Variants in PCDHA7 observed in about 807,000 individuals in gnomAD.
PCDHA7 encodes the protein protocadherin alpha-7.
PCDHA7 carries 37 observed loss-of-function variants against 57.2 expected under a neutral mutation model. The ratio of observed to expected loss-of-function variants is 0.65; its 90% CI spans 0.50 to 0.85. The LOEUF is 0.85. Among genes scored for constraint, PCDHA7 ranks in the 40% least tolerant of loss-of-function variants. The pLI is 0.00. For missense variants in PCDHA7, 1,188 were observed against 1,241.8 expected (o/e 0.96, Z 0.65); for synonymous variants, 553 against 558.8 (o/e 0.99, Z 0.15).
rs2150350980 is a variant in PCDHA7 at position 140,843,047 on chromosome 5, G to A, written c.2355+6309G>A. On this transcript the variant is annotated intron_variant, in intron 1 of 3. Coordinates refer to ENST00000525929, the MANE Select transcript of PCDHA7 (RefSeq NM_018910.3). ...GCCTCGGGTGGGTGGCACTGGTGGC[G>A]CAGCGAGCAAGCTGGTGCCGCGGTC... 9.4e-6 allele frequency: 15 copies of A among 1,595,052 alleles called. 2 individuals carry two copies. The highest frequency in any genetic ancestry group is 1.2e-5 in the Non-Finnish European group (14 of 1,165,268).
intron 1 of PCDHA7, among the ~76,000 whole-genome samples, chr5:140,956,087 C>T (rs2095255787): frequency 6.6e-6 from 1 of 152,178 alleles, no homozygotes; most frequent in Admixed American, 6.5e-5. Context: ...ATCATGTCAT[C>T]TGCAAACAAA....
chr5:141,009,563 C>T (rs1588242901), intron 3 of PCDHA7, 64 bp from the exon 4 acceptor site: 2 of 1,571,920 alleles, frequency 1.3e-6, no homozygotes, highest in Non-Finnish European at 1.7e-6. Flanking sequence ...TGTACTCTAC[C>T]AGCAGTGTGG....
intron 1 of PCDHA7, among the ~76,000 whole-genome samples, chr5:140,908,919 G>T (rs781892541): frequency 1.3e-5 from 2 of 152,158 alleles, no homozygotes; most frequent in Non-Finnish European, 2.9e-5. Context: ...TGTAGGAGGG[G>T]CCAAATGCAG....
intron 1 of PCDHA7, chr5:140,967,316 A>G (rs368129984): frequency 4.3e-6 from 7 of 1,610,310 alleles, no homozygotes; most frequent in African/African-American, 4.0e-5. Context: ...CTCAGTACAG[A>G]CCTACGAGCT....
At chr5:140,947,642 C>T (rs62384502) in intron 1 of PCDHA7, among the ~76,000 whole-genome samples, 2 of 151,520 alleles carry the variant, frequency 1.3e-5, no homozygotes, top group East Asian at 1.9e-4. Context: ...ATCGTATGAA[C>T]ATATATACCT....
intron 1 of PCDHA7, among the ~76,000 whole-genome samples, chr5:140,936,196 G>A (rs1251323087): frequency 1.3e-5 from 2 of 152,072 alleles, no homozygotes; most frequent in African/African-American, 4.8e-5. Flanking sequence ...CCCAGCCAAA[G>A]TTGTCTTTTT....
chr5:140,842,313 C>G, intron 1 of PCDHA7: 2 of 1,607,028 alleles, frequency 1.2e-6, no homozygotes, highest in Non-Finnish European at 1.7e-6. Context: ...CCTCCCATGG[C>G]GGGTCATTGC....
At chr5:140,845,144 C>T (rs2150376784) in intron 1 of PCDHA7, among the ~76,000 whole-genome samples, 2 of 149,524 alleles carry the variant, frequency 1.3e-5, no homozygotes, top group Non-Finnish European at 3.0e-5. Context: ...TATTTGAACA[C>T]ATTGTGTAAA....
chr5:140,961,887 GTTT>G (rs35680913), intron 1 of PCDHA7, among the ~76,000 whole-genome samples: 1 of 143,934 alleles, frequency 6.9e-6, no homozygotes. Context: ...ACTTACATCA[GTTT>G]TTTTTTTTTT....
At chr5:140,850,060 C>T (rs2150465360) in intron 1 of PCDHA7, 8 of 1,596,516 alleles carry the variant, frequency 5.0e-6, no homozygotes, top group East Asian at 4.5e-5. Flanking sequence ...GCGCTGCAGC[C>T]GTTGGACCAC....
chr5:140,928,228 C>A (rs376517088), intron 1 of PCDHA7: 2 of 1,614,218 alleles, frequency 1.2e-6, no homozygotes, highest in Admixed American at 1.7e-5. Context: ...ACCAAACTTT[C>A]CTCAACCCCA....
intron 1 of PCDHA7, chr5:140,841,201 C>A: frequency 7.7e-7 from 1 of 1,296,960 alleles, no homozygotes; most frequent in South Asian, 1.5e-5. Flanking sequence ...TCTCTGACAG[C>A]ATCTGTCTCT....
At chr5:140,956,551 C>T (rs995941205) in intron 1 of PCDHA7, among the ~76,000 whole-genome samples, 1 of 152,148 alleles carries the variant, frequency 6.6e-6, no homozygotes, top group Non-Finnish European at 1.5e-5. Context: ...ATTTGGTTTG[C>T]CAGTATCTTA....
At chr5:140,924,895 AAAAAAAAAAATAAAAT>A (rs200266637) in intron 1 of PCDHA7, among the ~76,000 whole-genome samples, 43,424 of 132,064 alleles carry the variant, frequency 0.33, 6,815 homozygotes, top group East Asian at 0.57. Flanking sequence ...AACCTGTCTC[AAAAAAAAAAATAAAAT>A]AAAATAAAAT....
chr5:140,953,961 G>C lies in PCDHA7; in HGVS notation c.2356-24988G>C, dbSNP rs140078691. ...CCCATTGCTCCCCCAACAGGCCCCA[G>C]TGTGTGTTGTTCCCCTTCATATTTT... On this transcript the variant is annotated intron_variant, in intron 1 of 3. Coordinates refer to ENST00000525929, the MANE Select transcript of PCDHA7 (RefSeq NM_018910.3). 1.0e-3 allele frequency among the ~76,000 whole-genome samples: 152 copies of C among 152,128 alleles called. 3 individuals are homozygous for C. In the East Asian group the frequency reaches 0.026, roughly 26 times the overall value.
intron 1 of PCDHA7, among the ~76,000 whole-genome samples, chr5:140,942,058 C>T (rs2093224752): frequency 6.6e-6 from 1 of 152,040 alleles, no homozygotes; most frequent in Non-Finnish European, 1.5e-5. Flanking sequence ...GAAATGTTTG[C>T]TAATTGAGCC....
At chr5:140,922,891 G>GA (rs1554201035) in intron 1 of PCDHA7, among the ~76,000 whole-genome samples, 2 of 152,160 alleles carry the variant, frequency 1.3e-5, no homozygotes, top group Non-Finnish European at 2.9e-5. Context: ...CATCATTCAA[G>GA]AAAAAATTTT....
intron 1 of PCDHA7, among the ~76,000 whole-genome samples, chr5:140,959,954 A>G (rs1054998147): frequency 6.6e-6 from 1 of 152,198 alleles, no homozygotes; most frequent in East Asian, 1.9e-4. Context: ...TATCATAGGT[A>G]GGAGGTAGAT....
rs372235129 is a variant in PCDHA7 at position 140,927,231 on chromosome 5, C to T, written c.2356-51718C>T. On this transcript the variant is annotated intron_variant, in intron 1 of 3. Transcript: ENST00000525929. ...TGGAGCTGCACAAGATTCGGATTCA[C>T]GTCCTGGACACCAATGACAACTCAC... 3.7e-6 allele frequency: 6 copies of T among 1,614,020 alleles called. No individual in the cohort carries two copies. In the African/African-American group the frequency reaches 4.0e-5, roughly 11 times the overall value.
Sources: gnomAD v4.1 joint callset for allele counts (sites outside exome capture counted in the v4.1 genomes callset) on GRCh38, gnomAD v4.1.1 for gene constraint, MANE v1.5 for transcripts, NCBI Gene and HGNC (gene_info 2026-07-23, HGNC 2026-07-21) for gene names.